The following PCDH15 variants were observed in gnomAD, a reference collection of about 807,000 sequenced individuals.
The protein encoded by PCDH15 is protocadherin-15.
PCDH15 carries 129 observed loss-of-function variants against 178.5 expected under a neutral mutation model. That is an observed-to-expected ratio of 0.72 (90% confidence interval 0.63 to 0.84). The LOEUF is 0.84. PCDH15 is among the 40% of genes least tolerant of loss of function. PCDH15 has a pLI of 0.00. For missense variants in PCDH15, 2,230 were observed against 2,099.9 expected, an observed-to-expected ratio of 1.06 and a Z score of -1.21; for synonymous variants, 800 against 732.0, an observed-to-expected ratio of 1.09 and a Z score of -1.50.
intron 3 of PCDH15, among the ~76,000 whole-genome samples, chr10:54,459,650 G>A (rs1327248163): frequency 6.6e-6 from 1 of 151,958 alleles, no homozygotes; most frequent in Admixed American, 6.6e-5. Flanking sequence ...ATAGAAATAA[G>A]AAAAATAAAT....
At chr10:54,761,655 C>G (rs866434508) in intron 1 of PCDH15, among the ~76,000 whole-genome samples, 1 of 150,768 alleles carries the variant, frequency 6.6e-6, no homozygotes, top group Admixed American at 6.6e-5. Context: ...TGCACTCCAG[C>G]CTGGGCAACA....
chr10:54,785,852 C>CTAGA (rs1341455736), intron 1 of PCDH15, among the ~76,000 whole-genome samples: 1 of 151,950 alleles, frequency 6.6e-6, no homozygotes, highest in Non-Finnish European at 1.5e-5. Flanking sequence ...TCATCACCAT[C>CTAGA]TAGAGATGGA....
intron 27 of PCDH15, among the ~76,000 whole-genome samples, chr10:53,860,943 C>A (rs1481905085): frequency 6.6e-6 from 1 of 151,992 alleles, no homozygotes; most frequent in Non-Finnish European, 1.5e-5. Context: ...AGAAGTCGCA[C>A]TACCGGGAGT....
rs147394180 is a variant in PCDH15 at position 55,008,534 on chromosome 10, T to G, written c.-79-111034A>C. Among the ~76,000 whole-genome samples, 39 of 152,304 alleles carry G rather than the reference T, an allele frequency of 2.6e-4. No homozygotes were observed. In the East Asian group the frequency reaches 7.1e-3, roughly 28 times the overall value. ...GCCCAAAGAAAGATGTACATTGGTCTTTGTAAGATGAGTTATGTGATTCAG... is the reference window on the plus strand; with the variant it reads ...GCCCAAAGAAAGATGTACATTGGTCGTTGTAAGATGAGTTATGTGATTCAG... On this transcript the variant is annotated intron_variant, in intron 2 of 5. Transcript: ENST00000458638.
At chr10:54,567,464 T>C (rs2089207040) in intron 2 of PCDH15, among the ~76,000 whole-genome samples, 1 of 152,170 alleles carries the variant, frequency 6.6e-6, no homozygotes, top group South Asian at 2.1e-4. Context: ...GAAAAAGAAA[T>C]ATAGTTAAAT....
At chr10:55,374,691 A>G (rs1379162089) in intron 2 of PCDH15, among the ~76,000 whole-genome samples, 3 of 152,040 alleles carry the variant, frequency 2.0e-5, no homozygotes, top group Non-Finnish European at 4.4e-5. Flanking sequence ...GTTACTACCC[A>G]TGAATACAAA....
upstream of PCDH15, among the ~76,000 whole-genome samples, chr10:55,320,123 C>T (rs989052084): frequency 1.3e-5 from 2 of 152,162 alleles, no homozygotes; most frequent in African/African-American, 2.4e-5. Flanking sequence ...CACTTGCCCA[C>T]GGCCACACAC....
chr10:55,129,227 G>A (rs1404976661), intron 2 of PCDH15, among the ~76,000 whole-genome samples: 1 of 152,034 alleles, frequency 6.6e-6, no homozygotes, highest in Non-Finnish European at 1.5e-5. Flanking sequence ...TGTATTAAAT[G>A]TCCCACTTGT....
chr10:55,609,433 T>C (rs1004597666), intron 2 of PCDH15, among the ~76,000 whole-genome samples: 3 of 152,104 alleles, frequency 2.0e-5, no homozygotes, highest in African/African-American at 7.2e-5. Flanking sequence ...TCATGTGATG[T>C]CAAATATGAG....
At chr10:55,279,321 A>T (rs1334275227) in intron 1 of PCDH15, among the ~76,000 whole-genome samples, 1 of 152,204 alleles carries the variant, frequency 6.6e-6, no homozygotes, top group African/African-American at 2.4e-5. Flanking sequence ...AATTACACAG[A>T]TATTTAAATT....
At chr10:55,524,054 A>G (rs1326445536) in intron 2 of PCDH15, among the ~76,000 whole-genome samples, 1 of 136,710 alleles carries the variant, frequency 7.3e-6, no homozygotes, top group Non-Finnish European at 1.7e-5. Context: ...CGTACATGTA[A>G]AAACCTTTTT....
intron 1 of PCDH15, among the ~76,000 whole-genome samples, chr10:55,238,203 A>T (rs978285885): frequency 5.1e-5 from 7 of 136,830 alleles, no homozygotes; most frequent in Non-Finnish European, 1.1e-4. Context: ...GCTGGAGTGC[A>T]CAGTGGCGCG....
At chr10:54,370,810 C>T (rs1297667151) in intron 4 of PCDH15, among the ~76,000 whole-genome samples, 3 of 151,628 alleles carry the variant, frequency 2.0e-5, no homozygotes, top group African/African-American at 7.3e-5. Flanking sequence ...GAGAAAAATG[C>T]TACAGAAACT....
In PCDH15 at chr10:53,822,007, AGTT is replaced by A; in HGVS notation, c.4368-1780_4368-1778del. 4 of 1,613,944 alleles carry A rather than the reference AGTT, an allele frequency of 2.5e-6. No homozygotes were observed. The highest frequency in any genetic ancestry group is 3.4e-6 in the Non-Finnish European group (4 of 1,179,880). ...AGTTCTGAAACATTTGTGCGTAGAT[AGTT>A]TTTTTCTATTTGACTGTACATGTTA... On this transcript the variant is annotated intron_variant, in intron 32 of 37. Transcript: ENST00000644397.
intron 2 of PCDH15, among the ~76,000 whole-genome samples, chr10:55,522,982 T>G (rs1287335302): frequency 6.6e-6 from 1 of 151,662 alleles, no homozygotes; most frequent in Non-Finnish European, 1.5e-5. Context: ...TACTTGAGAA[T>G]TTTTATTTGT....
intron 1 of PCDH15, among the ~76,000 whole-genome samples, chr10:54,778,302 G>A (rs904804597): frequency 3.3e-5 from 5 of 152,144 alleles, no homozygotes; most frequent in Non-Finnish European, 5.9e-5. Flanking sequence ...GACACATTTT[G>A]TGTAGATTCC....
intron 10 of PCDH15, among the ~76,000 whole-genome samples, chr10:54,203,465 C>T (rs1417948499): frequency 6.6e-6 from 1 of 151,936 alleles, no homozygotes; most frequent in African/African-American, 2.4e-5. Flanking sequence ...ATAAAGGAAC[C>T]TCAGATTGAG....
chr10:54,938,048 T>C (rs1368639524), intron 2 of PCDH15, among the ~76,000 whole-genome samples: 1 of 152,070 alleles, frequency 6.6e-6, no homozygotes, highest in East Asian at 1.9e-4. Flanking sequence ...TTTTAATCAT[T>C]AAAGAGTGTT....
rs1554833372 is a variant in PCDH15 at position 54,194,740 on chromosome 10, C to CTTA, written c.1305+942_1305+943insTAA. On this transcript the variant is annotated intron_variant, in intron 11 of 37. Transcript: ENST00000644397. The stretch of plus-strand genomic sequence containing the variant: ...TGTATATGTCTATCTATCTATCTAT[C>CTTA]TATATATATACACAAAACATATGTA... 1.7e-3 allele frequency among the ~76,000 whole-genome samples: 251 copies of CTTA among 151,100 alleles called. 1 individual carries two copies. Among genetic ancestry groups the CTTA allele is most frequent in the Admixed American group, 5.4e-3 (82 of 15,102 alleles).
Sources: allele counts gnomAD v4.1 joint callset (sites outside exome capture counted in the v4.1 genomes callset), GRCh38; gene constraint gnomAD v4.1.1; transcripts MANE v1.5; gene names NCBI Gene and HGNC (gene_info 2026-07-23, HGNC 2026-07-21).